Variants in SNRPN observed in about 807,000 individuals in gnomAD.
SNRPN encodes the protein small nuclear ribonucleoprotein-associated protein N.
SNRPN carries 7 observed loss-of-function variants against 25.2 expected under a neutral mutation model. The observed-to-expected ratio is 0.28, with a 90% CI of 0.16 to 0.52. SNRPN has a LOEUF of 0.52. Ranked by LOEUF, SNRPN falls within the 20% of genes least tolerant of loss-of-function variation. The probability of loss-of-function intolerance (pLI) is 0.96; values close to 1 mark genes in which losing one functional copy is unlikely to be tolerated. For missense variants in SNRPN, 196 were observed against 322.5 expected (o/e 0.61, Z 3.00); for synonymous variants, 124 against 110.6 (o/e 1.12, Z -0.76).
chr15:24,890,559 G>A (rs973852258), intron 2 of SNRPN, among the ~76,000 whole-genome samples: 2 of 152,008 alleles, frequency 1.3e-5, no homozygotes, highest in African/African-American at 2.4e-5. Flanking sequence ...CAAGCCTGTA[G>A]TCCCAGCTAC....
At chr15:24,868,166 C>T (rs2054770888) in intron 1 of SNRPN, among the ~76,000 whole-genome samples, 1 of 151,372 alleles carries the variant, frequency 6.6e-6, no homozygotes, top group Non-Finnish European at 1.5e-5. Context: ...TGCATGAATG[C>T]TCATATATAA....
intron 2 of SNRPN, among the ~76,000 whole-genome samples, chr15:24,964,987 T>C (rs2075399547): frequency 6.6e-6 from 1 of 152,190 alleles, no homozygotes; most frequent in Non-Finnish European, 1.5e-5. Flanking sequence ...GAGTAAAGTG[T>C]AGAGTTAGGG....
chr15:24,933,422 G>A (rs1020411791), intron 3 of SNRPN, among the ~76,000 whole-genome samples: 2 of 152,032 alleles, frequency 1.3e-5, no homozygotes, highest in Non-Finnish European at 2.9e-5. Flanking sequence ...GAGCCTAGAG[G>A]AGAGAGGCTG....
rs1167439268 is a variant in SNRPN, at chr15:24,870,665, G to C, written c.-579+13949G>C. Among the ~76,000 whole-genome samples the C allele has an allele frequency of 2.0e-5, 3 of 150,658 alleles. No homozygotes were observed. In the East Asian group the frequency reaches 5.8e-4, roughly 29 times the overall value. ...ACAACTTCTTGGACCTTTAGATGCA[G>C]AATCTTCACTTTGTACCCAAGTTAC... is the stretch of plus-strand genomic sequence containing the variant. On this transcript the variant is annotated intron_variant, in intron 1 of 11. Coordinates refer to the SNRPN transcript ENST00000400097.
chr15:24,828,298 C>T (rs2050242971), intron 1 of SNRPN, among the ~76,000 whole-genome samples: 1 of 152,056 alleles, frequency 6.6e-6, no homozygotes, highest in African/African-American at 2.4e-5. Context: ...TTGCACCTTC[C>T]CGTTGACATC....
chr15:24,851,893 C>T (rs2052881006), upstream of SNRPN: 1 of 152,174 alleles, frequency 6.6e-6, no homozygotes, highest in Admixed American at 6.6e-5. Context: ...CCCATCCCAC[C>T]CTGAATGCAG....
At chr15:24,956,647 C>T (rs1431987298) in intron 1 of SNRPN, among the ~76,000 whole-genome samples, 1 of 152,210 alleles carries the variant, frequency 6.6e-6, no homozygotes, top group African/African-American at 2.4e-5. Context: ...TGGCAGCCCT[C>T]CCCTTCACCT....
rs58343685 is a variant in SNRPN, at chr15:24,923,881, ATGTG to A, written c.-391+3787_-391+3790del. Among the ~76,000 whole-genome samples, 1,037 of 106,084 alleles carry A rather than the reference ATGTG, an allele frequency of 9.8e-3. 10 individuals carry two copies. Among genetic ancestry groups the A allele is most frequent in the South Asian group, 0.021 (57 of 2,740 alleles). 69.6% of individuals were successfully genotyped at this position (106,084 alleles called of 152,430 possible). On this transcript the variant is annotated intron_variant, in intron 3 of 11. Coordinates refer to the SNRPN transcript ENST00000400097. ...GATTTGTTTCTTTTTAGTGCCGTGT[ATGTG>A]TGTGTGTGTGTGTGTGTGTGTGTGT...
At chr15:24,828,069 G>T (rs967101872) in intron 1 of SNRPN, among the ~76,000 whole-genome samples, 4 of 151,892 alleles carry the variant, frequency 2.6e-5, no homozygotes, top group African/African-American at 9.7e-5. Context: ...AGCCCTTCTA[G>T]AATTATAAAA....
intron 1 of SNRPN, among the ~76,000 whole-genome samples, chr15:24,865,095 G>A (rs1005349805): frequency 2.7e-5 from 4 of 148,618 alleles, no homozygotes; most frequent in Non-Finnish European, 5.9e-5. Context: ...CCCCCAGGCT[G>A]GAGTGCCATG....
intron 3 of SNRPN, among the ~76,000 whole-genome samples, chr15:24,938,937 G>A (rs922154505): frequency 1.3e-5 from 2 of 152,238 alleles, no homozygotes; most frequent in Non-Finnish European, 1.5e-5. Flanking sequence ...TAGACAAATT[G>A]TTATTATATT....
intron 2 of SNRPN, among the ~76,000 whole-genome samples, chr15:24,839,126 G>T (rs56391472): frequency 0.086 from 13,016 of 152,032 alleles, 701 homozygotes; most frequent in South Asian, 0.23. Flanking sequence ...CCATGCATTG[G>T]AGTGTAGTGT....
At chr15:24,952,466 C>A (rs79007631), upstream of SNRPN, among the ~76,000 whole-genome samples, 1,098 of 152,146 alleles carry the variant, frequency 7.2e-3, 19 homozygotes, top group African/African-American at 0.025. Context: ...ATCTTCACTC[C>A]CCAGTTGTAG....
At position 24,842,316 on chromosome 15, in the gene SNRPN, C is replaced by T. The variant is rs191982628; in HGVS notation, c.-579+12411C>T. Among the ~76,000 whole-genome samples the T allele has an allele frequency of 1.1e-3, 174 of 152,270 alleles. 1 individual carries two copies. The highest frequency in any genetic ancestry group is 3.9e-3 in the African/African-American group (163 of 41,546). On this transcript the variant is annotated intron_variant, in intron 2 of 12. Coordinates refer to the SNRPN transcript ENST00000400100. ...AGACACTTCTACCCACTGCATCCTCCGCTGCAGTGCTACAACTGCCTGAGA... is the reference window on the plus strand; with the variant it reads ...AGACACTTCTACCCACTGCATCCTCTGCTGCAGTGCTACAACTGCCTGAGA...
intron 3 of SNRPN, 84 bp downstream of exon 3, chr15:24,968,166 A>G: frequency 1.2e-6 from 1 of 833,286 alleles, no homozygotes; most frequent in Non-Finnish European, 2.0e-6. Flanking sequence ...TCAGTGACAC[A>G]TTAATTTTTT....
intron 3 of SNRPN, among the ~76,000 whole-genome samples, chr15:24,933,052 A>G (rs930603476): frequency 6.6e-6 from 1 of 152,152 alleles, no homozygotes; most frequent in Non-Finnish European, 1.5e-5. Flanking sequence ...ACTTGAGTCC[A>G]GGAGTTTGAG....
chr15:24,857,057 T>G (rs994389490), intron 1 of SNRPN, among the ~76,000 whole-genome samples: 2 of 152,180 alleles, frequency 1.3e-5, no homozygotes, highest in East Asian at 3.9e-4. Context: ...GAACAAAATT[T>G]TATGTGAGGC....
chr15:24,899,171 C>G (rs1472858837), intron 2 of SNRPN, among the ~76,000 whole-genome samples: 1 of 152,196 alleles, frequency 6.6e-6, no homozygotes, highest in Non-Finnish European at 1.5e-5. Context: ...AATTCTCTCC[C>G]AACACTCAGC....
chr15:24,950,544 C>CTTTTTTT (rs1024998270), upstream of SNRPN, among the ~76,000 whole-genome samples: 59 of 97,044 alleles, frequency 6.1e-4, no homozygotes, highest in Non-Finnish European at 8.4e-4. Flanking sequence ...GTTCTCATTT[C>CTTTTTTT]TTTTTTTTTT....
Sources: allele counts gnomAD v4.1 joint callset (sites outside exome capture counted in the v4.1 genomes callset), GRCh38; gene constraint gnomAD v4.1.1; transcripts MANE v1.5; gene names NCBI Gene and HGNC (gene_info 2026-07-23, HGNC 2026-07-21).